The following ATP11A variants were observed in gnomAD, a reference collection of about 807,000 sequenced individuals.
The protein encoded by ATP11A is phospholipid-transporting ATPase IH.
Under a neutral mutation model 154.4 loss-of-function variants are expected in ATP11A, and 81 were observed. The ratio of observed to expected loss-of-function variants is 0.52; its 90% CI spans 0.44 to 0.63. ATP11A has a LOEUF of 0.63. ATP11A is among the 30% of genes least tolerant of loss of function. The pLI, the probability that ATP11A is intolerant of heterozygous loss-of-function variation, is 0.00. For missense variants in ATP11A, 1,316 were observed against 1,474.3 expected (o/e 0.89, Z 1.76); for synonymous variants, 623 against 585.9 (o/e 1.06, Z -0.91).
intron 1 of ATP11A, among the ~76,000 whole-genome samples, chr13:112,735,374 G>T (rs2139714722): frequency 6.6e-6 from 1 of 152,324 alleles, no homozygotes; most frequent in Middle Eastern, 3.4e-3. Flanking sequence ...GGCTGATGGA[G>T]GCTGTTTCCA....
intron 16 of ATP11A, among the ~76,000 whole-genome samples, chr13:112,840,273 C>T (rs35327689): frequency 1.4e-5 from 1 of 69,272 alleles, no homozygotes; most frequent in Admixed American, 1.4e-4. Flanking sequence ...TGCCCTCCAG[C>T]CTCAGCCTCC....
At chr13:112,775,270 GCCGAAAACAGCGCC>G (rs1326791007) in intron 1 of ATP11A, among the ~76,000 whole-genome samples, 1 of 152,236 alleles carries the variant, frequency 6.6e-6, no homozygotes, top group East Asian at 1.9e-4. Flanking sequence ...CTGTGAAGAT[GCCGAAAACAGCGCC>G]CCTCTCTGCT....
At chr13:112,833,871 C>T (rs1414689422) in intron 14 of ATP11A, among the ~76,000 whole-genome samples, 1 of 152,234 alleles carries the variant, frequency 6.6e-6, no homozygotes, top group African/African-American at 2.4e-5. Flanking sequence ...GGCTACCCCG[C>T]CCACCTTTGA....
intron 9 of ATP11A, among the ~76,000 whole-genome samples, 153 bp downstream of exon 9, chr13:112,823,562 A>G (rs2078856531): frequency 6.6e-6 from 1 of 152,224 alleles, no homozygotes; most frequent in African/African-American, 2.4e-5. Flanking sequence ...CTGAGATTTG[A>G]TCAGTGAATA....
intron 25 of ATP11A, 115 bp downstream of exon 25, chr13:112,862,690 G>A (rs2080150337): frequency 1.4e-6 from 2 of 1,391,620 alleles, no homozygotes; most frequent in South Asian, 1.3e-5. Flanking sequence ...TTCCCAGCGG[G>A]GTCCATCACC....
intron 1 of ATP11A, among the ~76,000 whole-genome samples, chr13:112,735,443 G>A (rs1566402372): frequency 6.6e-6 from 1 of 152,118 alleles, no homozygotes; most frequent in East Asian, 1.9e-4. Flanking sequence ...ATTTCTACGG[G>A]TTTGTCAACA....
chr13:112,776,876 C>T (rs570360346), intron 1 of ATP11A, among the ~76,000 whole-genome samples: 35 of 147,650 alleles, frequency 2.4e-4, no homozygotes, highest in Non-Finnish European at 4.7e-4. Context: ...GGATTACAGG[C>T]TTGAGCCCCC....
chr13:112,794,963 G>A (rs1351635183), intron 2 of ATP11A, among the ~76,000 whole-genome samples: 1 of 152,222 alleles, frequency 6.6e-6, no homozygotes, highest in Non-Finnish European at 1.5e-5. Context: ...GCAAGGCCCT[G>A]CCAGGTGCGG....
At chr13:112,774,871 G>A (rs1474532730) in intron 1 of ATP11A, among the ~76,000 whole-genome samples, 1 of 152,256 alleles carries the variant, frequency 6.6e-6, no homozygotes, top group Admixed American at 6.5e-5. Context: ...TACCGGCATC[G>A]GTGAAGAGCG....
At chr13:112,717,879 C>T (rs927426402) in intron 1 of ATP11A, among the ~76,000 whole-genome samples, 1 of 152,216 alleles carries the variant, frequency 6.6e-6, no homozygotes, top group African/African-American at 2.4e-5. Context: ...GAGTTTGAGA[C>T]CAGCCTGACC....
chr13:112,818,172 G>C (rs900225074), intron 6 of ATP11A, among the ~76,000 whole-genome samples: 2 of 151,350 alleles, frequency 1.3e-5, no homozygotes, highest in African/African-American at 4.9e-5. Flanking sequence ...CTTGGTGACA[G>C]GGCGGTGACC....
intron 26 of ATP11A, among the ~76,000 whole-genome samples, chr13:112,872,202 A>G (rs984421982): frequency 4.6e-5 from 7 of 152,248 alleles, no homozygotes; most frequent in African/African-American, 9.6e-5. Context: ...GAAATTATAT[A>G]CAGAATATAT....
At chr13:112,793,101 A>G (rs187634751) in intron 2 of ATP11A, among the ~76,000 whole-genome samples, 1 of 152,338 alleles carries the variant, frequency 6.6e-6, no homozygotes, top group East Asian at 1.9e-4. Context: ...ATCCATGAGG[A>G]AGCTGAGGCT....
intron 1 of ATP11A, among the ~76,000 whole-genome samples, chr13:112,777,931 A>T (rs2077388083): frequency 6.6e-6 from 1 of 152,118 alleles, no homozygotes; most frequent in Non-Finnish European, 1.5e-5. Flanking sequence ...AGGTGCTCTT[A>T]TGGCACCCTG....
chr13:112,763,773 C>A (rs2077014333), intron 1 of ATP11A, among the ~76,000 whole-genome samples: 1 of 152,154 alleles, frequency 6.6e-6, no homozygotes, highest in Admixed American at 6.5e-5. Context: ...TCTTTGAATC[C>A]ACCTGTGACC....
intron 1 of ATP11A, among the ~76,000 whole-genome samples, chr13:112,730,553 A>G (rs1890377798): frequency 6.6e-6 from 1 of 152,218 alleles, no homozygotes; most frequent in Non-Finnish European, 1.5e-5. Flanking sequence ...GCCGCTTCCC[A>G]GGAAACTCCA....
chr13:112,877,495 A>G (rs2080764712), intron 28 of ATP11A, among the ~76,000 whole-genome samples: 1 of 152,206 alleles, frequency 6.6e-6, no homozygotes, highest in African/African-American at 2.4e-5. Context: ...CACATGTAAC[A>G]AGGACATCAG....
intron 5 of ATP11A, among the ~76,000 whole-genome samples, chr13:112,814,289 C>T (rs2078582955): frequency 6.6e-6 from 1 of 152,048 alleles, no homozygotes; most frequent in Non-Finnish European, 1.5e-5. Context: ...TTTTGAACTG[C>T]TGGCGTCAAG....
At chr13:112,825,642 G>A in intron 11 of ATP11A, 62 bp downstream of exon 11, 2 of 1,517,882 alleles carry the variant, frequency 1.3e-6, no homozygotes, top group Non-Finnish European at 1.8e-6. Flanking sequence ...TTACGAAAAT[G>A]TGGTGCAAGA....
Sources: allele counts gnomAD v4.1 joint callset (sites outside exome capture counted in the v4.1 genomes callset), GRCh38; gene constraint gnomAD v4.1.1; transcripts MANE v1.5; gene names NCBI Gene and HGNC (gene_info 2026-07-23, HGNC 2026-07-21).